GABPB2: variants seen among roughly 807,000 people sequenced by gnomAD.
GABPB2 encodes the protein GA binding protein transcription factor subunit beta 2, also known as GA-binding protein subunit beta-2.
In GABPB2, 23 loss-of-function variants were observed where a neutral mutation model predicts 39.1. The ratio of observed to expected loss-of-function variants is 0.59; its 90% CI spans 0.42 to 0.83. The LOEUF is 0.83. GABPB2 is among the 40% of genes least tolerant of loss of function. The pLI is 0.00. For missense variants in GABPB2, 467 were observed against 541.1 expected, an observed-to-expected ratio of 0.86 and a Z score of 1.36; for synonymous variants, 184 against 199.3, an observed-to-expected ratio of 0.92 and a Z score of 0.65.
rs1347780682 is a variant in GABPB2, at chr1:151,107,042, A to T, written c.742A>T (p.Thr248Ser). The change falls in exon 7 of 9, where the codon ACA (threonine) becomes TCA (serine). Residue 248 changes from threonine to serine, a missense_variant. Thr to Ser is a moderately conservative substitution (Grantham distance 58). Transcript: ENST00000368918. ...LSNSHRATAN[T>S]EEIIEGNSVD... ...TTTGCTTTTGTCATCTCTAGCCAATACAGAGGAAATTATAGAAGGAAATTC... is the reference window on the plus strand; with the variant it reads ...TTTGCTTTTGTCATCTCTAGCCAATTCAGAGGAAATTATAGAAGGAAATTC... 1 of 1,602,472 alleles carries T rather than the reference A, an allele frequency of 6.2e-7. No homozygotes were observed. The highest frequency in any genetic ancestry group is 1.8e-5 in the Admixed American group (1 of 56,982).
rs1354694766 is a variant in GABPB2, at chr1:151,070,823, T to C, written c.-112T>C. 4 of 152,044 alleles carry C rather than the reference T, an allele frequency of 2.6e-5. No homozygotes were observed. The highest frequency in any genetic ancestry group is 5.9e-5 in the Non-Finnish European group (4 of 68,028). 9.4% of individuals were successfully genotyped at this position (152,044 alleles called of 1,614,324 possible). ...TAAAGGCCCCCAAAACATGCACACA[T>C]GAAAAGGGCAAAAAGTAACCGTCCT... On this transcript the variant is annotated 5_prime_UTR_variant, in exon 1 of 9. The change abolishes an upstream ATG in the 5' untranslated region. Coordinates refer to ENST00000368918, the MANE Select transcript of GABPB2 (RefSeq NM_144618.3).
intron 7 of GABPB2, among the ~76,000 whole-genome samples, chr1:151,116,471 G>A (rs116819794): frequency 0.015 from 2,338 of 151,706 alleles, 66 homozygotes; most frequent in African/African-American, 0.053. Flanking sequence ...TTGTGTGTGT[G>A]TTGACTCTTC....
chr1:151,080,215 CAAAAAAA>C (rs57351502), intron 1 of GABPB2, among the ~76,000 whole-genome samples: 1 of 29,968 alleles, frequency 3.3e-5, no homozygotes, highest in African/African-American at 7.9e-5. Context: ...AACTCCATCT[CAAAAAAA>C]AAAAAAAAAA....
chr1:151,087,667 T>C (rs898487013), intron 1 of GABPB2, among the ~76,000 whole-genome samples: 1 of 151,784 alleles, frequency 6.6e-6, no homozygotes, highest in African/African-American at 2.4e-5. Context: ...AGAGTTACAG[T>C]TTTATTTGGA....
rs963649160 is a variant in GABPB2, at chr1:151,118,488, C to T, written c.*232C>T. 1.8e-5 allele frequency: 8 copies of T among 443,418 alleles called. No homozygotes were observed. The highest frequency in any genetic ancestry group is 3.2e-5 in the Non-Finnish European group (8 of 249,142). The allele number at this position is 443,418 out of a possible 1,614,324, so 27.5% of individuals were successfully genotyped here. On this transcript the variant is annotated 3_prime_UTR_variant, in exon 9 of 9. Coordinates refer to ENST00000368918, the MANE Select transcript of GABPB2 (RefSeq NM_144618.3). The stretch of plus-strand genomic sequence containing the variant: ...GAATAAAGGACCAAATTTCTTAGCT[C>T]ATATCATTGCTTTAAACATAGAAGT...
rs587664744 is a variant in GABPB2, at chr1:151,103,772, G to T, written c.736+97G>T. ...TTGCATGAAATATTATTAAAGAATTGCATTTAATTAGAGGCAGCTAAGGAA... is the reference window on the plus strand; with the variant it reads ...TTGCATGAAATATTATTAAAGAATTTCATTTAATTAGAGGCAGCTAAGGAA... On this transcript the variant is annotated intron_variant, in intron 6 of 8. Coordinates refer to ENST00000368918, the MANE Select transcript of GABPB2 (RefSeq NM_144618.3). 1.0e-5 allele frequency: 8 copies of T among 798,890 alleles called. No individual in the cohort carries two copies. In the African/African-American group the frequency reaches 1.4e-4, roughly 14 times the overall value. 49.5% of individuals were successfully genotyped at this position (798,890 alleles called of 1,614,324 possible). A position where few individuals can be genotyped will look rare whatever the true frequency, so the allele number is the denominator to read the frequency against.
At chr1:151,109,060 A>G (rs1571975092) in intron 7 of GABPB2, among the ~76,000 whole-genome samples, 1 of 151,876 alleles carries the variant, frequency 6.6e-6, no homozygotes, top group East Asian at 1.9e-4. Flanking sequence ...GGTTGATGGC[A>G]CGTGCTTATA....
intron 1 of GABPB2, among the ~76,000 whole-genome samples, chr1:151,072,206 G>C (rs1676787969): frequency 6.6e-6 from 1 of 152,208 alleles, no homozygotes; most frequent in Non-Finnish European, 1.5e-5. Flanking sequence ...AGAGTACTTT[G>C]TTGTCAAGAG....
chr1:151,114,871 G>A lies in GABPB2; in HGVS notation c.923-2521G>A, dbSNP rs587739052. On this transcript the variant is annotated intron_variant, in intron 7 of 8. Transcript: ENST00000368918. ...CTAAAAGTACAAAAATTAGTCAGGCGTGGTGGCAGGCACCTGTAATCCCAG... is the reference window on the plus strand; with the variant it reads ...CTAAAAGTACAAAAATTAGTCAGGCATGGTGGCAGGCACCTGTAATCCCAG... 1.3e-4 allele frequency among the ~76,000 whole-genome samples: 19 copies of A among 151,642 alleles called. No homozygotes were observed. The East Asian group carries it at 1.9e-3, about 16-fold the overall frequency.
At chr1:151,095,500 G>A (rs1469518323) in intron 4 of GABPB2, among the ~76,000 whole-genome samples, 1 of 152,186 alleles carries the variant, frequency 6.6e-6, no homozygotes, top group East Asian at 1.9e-4. Flanking sequence ...GACACTTAAT[G>A]CTAAATAACT....
At chr1:151,106,441 G>A (rs112301933) in intron 6 of GABPB2, among the ~76,000 whole-genome samples, 2 of 152,162 alleles carry the variant, frequency 1.3e-5, no homozygotes, top group South Asian at 2.1e-4. Context: ...AGGCTCAAGC[G>A]ATTCTCGTGC....
In GABPB2 at chr1:151,086,940, C is replaced by T. The variant is rs145539224; in HGVS notation, c.1-1250C>T. Among the ~76,000 whole-genome samples the T allele has an allele frequency of 2.6e-5, 4 of 152,244 alleles. No individual in the cohort carries two copies. The East Asian group carries it at 7.7e-4, about 29-fold the overall frequency. On this transcript the variant is annotated intron_variant, in intron 1 of 8. Coordinates refer to ENST00000368918, the MANE Select transcript of GABPB2 (RefSeq NM_144618.3). ...TGCGATCTCAGCTCATTGCAACATC[C>T]ACCTCCCAGGTTCAAGCAATTGTCC...
chr1:151,123,454 CAAA>C lies in GABPB2; in HGVS notation c.*5212_*5214del, dbSNP rs879010713. ...TGGGCAATAGAGCGAGACTCTGTCT[CAAA>C]AAAAAAAAAAAAAGAAGGAAAGAAA... On this transcript the variant is annotated 3_prime_UTR_variant, in exon 9 of 9. Coordinates refer to ENST00000368918, the MANE Select transcript of GABPB2 (RefSeq NM_144618.3). 7 of 77,494 alleles carry C rather than the reference CAAA, an allele frequency of 9.0e-5. No homozygotes were observed. Among genetic ancestry groups the C allele is most frequent in the Non-Finnish European group, 1.6e-4 (6 of 37,774 alleles). The allele number at this position is 77,494 out of a possible 1,614,324, so 4.8% of individuals were successfully genotyped here.
chr1:151,107,578 T>G (rs1273560613), intron 7 of GABPB2, among the ~76,000 whole-genome samples: 1 of 151,574 alleles, frequency 6.6e-6, no homozygotes, highest in Admixed American at 6.6e-5. Flanking sequence ...CTCAGCTCAC[T>G]GCAGGCTCCG....
In GABPB2 at chr1:151,111,515, C is replaced by T. The variant is rs942632570; in HGVS notation, c.922+4293C>T. ...TCGGCTCACCGCAAGCTCCACCTCCCGGGTTGACGCCATTCTCCTGCCTCA... is the reference window on the plus strand; with the variant it reads ...TCGGCTCACCGCAAGCTCCACCTCCTGGGTTGACGCCATTCTCCTGCCTCA... On this transcript the variant is annotated intron_variant, in intron 7 of 8. Coordinates refer to ENST00000368918, the MANE Select transcript of GABPB2 (RefSeq NM_144618.3). Among the ~76,000 whole-genome samples, 86 of 151,404 alleles carry T rather than the reference C, an allele frequency of 5.7e-4. 1 individual carries two copies. Among genetic ancestry groups the T allele is most frequent in the African/African-American group, 1.2e-3 (48 of 41,250 alleles).
chr1:151,088,065 A>G, intron 1 of GABPB2, 125 bp from the exon 2 acceptor site: 1 of 645,850 alleles, frequency 1.5e-6, no homozygotes, highest in Non-Finnish European at 2.8e-6. Flanking sequence ...GTGACCTACC[A>G]GACAGTCAAC....
intron 3 of GABPB2, among the ~76,000 whole-genome samples, chr1:151,092,194 C>T (rs587638642): frequency 6.1e-5 from 9 of 147,132 alleles, no homozygotes; most frequent in African/African-American, 2.3e-4. Flanking sequence ...GCAACCTCTG[C>T]CTCCCAGGTT....
In GABPB2 at chr1:151,089,332, G is replaced by A. The variant is rs118030577; in HGVS notation, c.108+1035G>A. On this transcript the variant is annotated intron_variant, in intron 2 of 8. Transcript: ENST00000368918. ...AATGTGAATTAAATTCAGTCAGGCA[G>A]AGAGGCTAAATATATGAAAAAGCAA... 5.8e-4 allele frequency among the ~76,000 whole-genome samples: 88 copies of A among 152,304 alleles called. No homozygotes were observed. In the East Asian group the frequency reaches 0.015, roughly 27 times the overall value.
intron 1 of GABPB2, among the ~76,000 whole-genome samples, chr1:151,075,496 G>A (rs587746623): frequency 1.9e-3 from 287 of 150,462 alleles, no homozygotes; most frequent in Non-Finnish European, 3.3e-3. Flanking sequence ...CCCAAGAGGC[G>A]GAGCTTGCAG....
Sources: allele counts gnomAD v4.1 joint callset (sites outside exome capture counted in the v4.1 genomes callset), GRCh38; gene constraint gnomAD v4.1.1; transcripts MANE v1.5; gene names NCBI Gene and HGNC (gene_info 2026-07-23, HGNC 2026-07-21).